Variants in ANKRD36C observed in about 807,000 individuals in gnomAD.
ANKRD36C encodes ankyrin repeat domain 36C, also known as ankyrin repeat domain-containing protein 36C.
ANKRD36C carries 61 observed loss-of-function variants against 276.4 expected under a neutral mutation model. The ratio of observed to expected loss-of-function variants is 0.22; its 90% confidence interval spans 0.18 to 0.27. The LOEUF (loss-of-function observed/expected upper bound fraction) is 0.27, where lower values mean the gene tolerates loss of function less well. Among genes scored for constraint, ANKRD36C ranks in the 10% least tolerant of loss-of-function variants. ANKRD36C has a pLI of 1.00. For synonymous variants in ANKRD36C, 483 were observed against 680.1 expected (o/e 0.71, Z 4.51); for missense variants, 1,447 against 2,032.3 (o/e 0.71, Z 5.54).
At chr2:95,930,315 A>G (rs1677530468) in intron 24 of ANKRD36C, among the ~76,000 whole-genome samples, 1 of 151,522 alleles carries the variant, frequency 6.6e-6, no homozygotes, top group South Asian at 2.1e-4. Flanking sequence ...GTTTATCCCA[A>G]TTCTATCACT....
chr2:95,913,998 T>G (rs1677011477), intron 40 of ANKRD36C, 110 bp downstream of exon 42: 1 of 1,136,480 alleles, frequency 8.8e-7, no homozygotes, highest in Non-Finnish European at 1.3e-6. Context: ...ATCTCAGGAC[T>G]GCTGTATCAG....
At chr2:95,963,850 T>C (rs972881386) in intron 6 of ANKRD36C, among the ~76,000 whole-genome samples, 40 of 125,946 alleles carry the variant, frequency 3.2e-4, no homozygotes, top group Non-Finnish European at 2.1e-4. Context: ...AAATCATGCA[T>C]AATCAGATTC....
rs565876256 is a variant in ANKRD36C, at chr2:95,925,558, A to G, written c.1940-11T>C. ...GTTTCTGAGGAGACACTGAAAAGTA[A>G]AAGAAATATATAATTCATCATATGT... On this transcript the variant is annotated splice_polypyrimidine_tract_variant and intron_variant, in intron 28 of 66. Coordinates refer to ENST00000456556, the Ensembl canonical transcript of ANKRD36C. 9.7e-4 allele frequency: 1,489 copies of G among 1,541,606 alleles called. 3 individuals are homozygous for G. The highest frequency in any genetic ancestry group is 1.2e-3 in the Non-Finnish European group (1,377 of 1,141,006).
In ANKRD36C at chr2:95,859,091, T is replaced by TG. The variant is rs530581992; in HGVS notation, c.3896+769dup. On this transcript the variant is annotated intron_variant, in intron 61 of 66. Transcript: ENST00000456556. ...CTACTATCACTGGGCTGGAGTGCAC[T>TG]GGTGCAATCTCTGCTCACTGCAACC... 2.6e-4 allele frequency among the ~76,000 whole-genome samples: 39 copies of TG among 152,148 alleles called. 1 individual carries two copies. The South Asian group carries it at 7.9e-3, about 31-fold the overall frequency.
At chr2:95,985,772 C>T (rs1229490464) in intron 3 of ANKRD36C, among the ~76,000 whole-genome samples, 2 of 152,136 alleles carry the variant, frequency 1.3e-5, no homozygotes, top group Non-Finnish European at 2.9e-5. Flanking sequence ...AAAGATAGAG[C>T]CATTCACTGA....
intron 48 of ANKRD36C, among the ~76,000 whole-genome samples, chr2:95,888,914 G>A (rs2104342352): frequency 6.6e-6 from 1 of 151,606 alleles, no homozygotes; most frequent in African/African-American, 2.4e-5. Flanking sequence ...TTCATGGAAA[G>A]GACCACTTTA....
rs78585559 is a variant in ANKRD36C at position 95,859,988 on chromosome 2, T to A, written c.3769A>T (p.Arg1257Ter). The A allele has an allele frequency of 6.5e-7, 1 of 1,549,204 alleles. No homozygotes were observed. Among genetic ancestry groups the A allele is most frequent in the African/African-American group, 1.4e-5 (1 of 72,986 alleles). ...TTTTTCAGTTTTCGAATTTTTACTC[T>A]AAGTTGCTCACAGTGATTATCTTTA... Residue 1257 changes from arginine to a stop codon, truncating the protein, a stop_gained, in exon 61 of 67, where the codon AGA (arginine) becomes TGA (stop). Transcript: ENST00000456556. LOFTEE classifies it high-confidence loss of function.
chr2:95,892,648 T>C (rs549534475), intron 44 of ANKRD36C, among the ~76,000 whole-genome samples: 5 of 151,636 alleles, frequency 3.3e-5, no homozygotes, highest in African/African-American at 9.6e-5. Context: ...CACTGCAATA[T>C]TCACTATAAA....
In ANKRD36C at chr2:95,914,266, T is replaced by A. The variant is rs1677022868; in HGVS notation, c.2478+9A>T. 6.4e-7 allele frequency: 1 copy of A among 1,552,014 alleles called. No homozygotes were observed. Among genetic ancestry groups the A allele is most frequent in the East Asian group, 2.4e-5 (1 of 41,206 alleles). On this transcript the variant is annotated intron_variant, in intron 39 of 66. Coordinates refer to ENST00000456556, the Ensembl canonical transcript of ANKRD36C. ...TACTAGGTCACAATATAAATGACAG[T>A]TTCATTACCTTCAAGCCTGCTGGTT...
chr2:95,857,596 T>G, intron 61 of ANKRD36C, 104 bp from the exon 82 acceptor site: 1 of 1,119,864 alleles, frequency 8.9e-7, no homozygotes, highest in South Asian at 1.8e-5. Context: ...AGTCGTGCCC[T>G]ACAAACCATG....
chr2:95,949,365 G>A (rs78648381), intron 16 of ANKRD36C, among the ~76,000 whole-genome samples: 1 of 144,234 alleles, frequency 6.9e-6, no homozygotes, highest in Non-Finnish European at 1.5e-5. Context: ...AGAGGGACTA[G>A]TGGAAAAGTC....
intron 6 of ANKRD36C, among the ~76,000 whole-genome samples, chr2:95,976,994 A>T (rs1287974689): frequency 6.6e-6 from 1 of 151,714 alleles, no homozygotes. Flanking sequence ...GTCACAGGAT[A>T]GCTTCTCATT....
chr2:95,990,328 T>G (rs1438675669), intron 1 of ANKRD36C, among the ~76,000 whole-genome samples: 1 of 152,250 alleles, frequency 6.6e-6, no homozygotes, highest in Non-Finnish European at 1.5e-5. Context: ...CAAAGGCAAT[T>G]GCAGTTTTCG....
At chr2:95,902,194 A>C (rs1676673903) in intron 42 of ANKRD36C, among the ~76,000 whole-genome samples, 2 of 149,688 alleles carry the variant, frequency 1.3e-5, no homozygotes, top group South Asian at 2.1e-4. Flanking sequence ...AAAATCAACA[A>C]AACATGTATC....
chr2:95,894,063 T>C lies in ANKRD36C; in HGVS notation c.2756-2203A>G, dbSNP rs182137338. On this transcript the variant is annotated intron_variant, in intron 44 of 66. Transcript: ENST00000456556. ...AGCAACTCACACACCTGAGAATCAATGTCAAAGCAGGTGCTACATGATCCC... is the reference window on the plus strand; with the variant it reads ...AGCAACTCACACACCTGAGAATCAACGTCAAAGCAGGTGCTACATGATCCC... 8.5e-4 allele frequency: 303 copies of C among 354,928 alleles called. 2 individuals carry two copies. In the East Asian group the frequency reaches 0.016, roughly 18 times the overall value. 22.0% of individuals were successfully genotyped at this position (354,928 alleles called of 1,614,324 possible).
rs193023787 is a variant in ANKRD36C, at chr2:95,912,468, A to G, written c.2552-33T>C. ...GCAAAAGGGATACATAATCACTCAC[A>G]CGTAAATATGATAAAGTTATCCATA... is the stretch of plus-strand genomic sequence containing the variant. On this transcript the variant is annotated intron_variant, in intron 40 of 66. Coordinates refer to ENST00000456556, the Ensembl canonical transcript of ANKRD36C. The G allele has an allele frequency of 1.9e-5, 31 of 1,604,462 alleles. No individual in the cohort carries two copies. The Admixed American group carries it at 3.5e-4, about 18-fold the overall frequency.
chr2:95,908,651 A>C lies in ANKRD36C; in HGVS notation c.2653+3593T>G, dbSNP rs1430569435. 1.9e-6 allele frequency: 3 copies of C among 1,565,042 alleles called. No homozygotes were observed. The highest frequency in any genetic ancestry group is 2.6e-6 in the Non-Finnish European group (3 of 1,153,754). ...CTATACATTTACTAGTTCACAACAT[A>C]AATGACAGTTTCATTACCTTCAAGC... is the stretch of plus-strand genomic sequence containing the variant. On this transcript the variant is annotated intron_variant, in intron 42 of 66. Transcript: ENST00000456556.
Position 95,983,584 on chromosome 2 carries a change from CATTTATTTATTTATTT to C in ANKRD36C, c.487-1238_487-1223del, listed in dbSNP as rs201816275. Among the ~76,000 whole-genome samples, 14 of 148,760 alleles carry C rather than the reference CATTTATTTATTTATTT, an allele frequency of 9.4e-5. No individual in the cohort carries two copies. The South Asian group carries it at 1.1e-3, about 11-fold the overall frequency. Reference sequence around the variant, plus strand: ...GTGAAAGCCACTAAATTATTTGCATCATTTATTTATTTATTTATTTATTTATTTATTTATTTATTTA... The same window carrying C: ...GTGAAAGCCACTAAATTATTTGCATCATTTATTTATTTATTTATTTATTTA... On this transcript the variant is annotated intron_variant, in intron 3 of 66. Transcript: ENST00000456556.
At chr2:95,875,780 C>T (rs1675938809) in intron 59 of ANKRD36C, among the ~76,000 whole-genome samples, 5 of 151,832 alleles carry the variant, frequency 3.3e-5, no homozygotes, top group Admixed American at 3.3e-4. Flanking sequence ...AGATTATAGG[C>T]TTAAGTTCTA....
Sources: allele counts gnomAD v4.1 joint callset (sites outside exome capture counted in the v4.1 genomes callset), GRCh38; gene constraint gnomAD v4.1.1; transcripts MANE v1.5; gene names NCBI Gene and HGNC (gene_info 2026-07-23, HGNC 2026-07-21).